Variants in NUBPL observed in about 807,000 individuals in gnomAD.
The protein encoded by NUBPL is NUBP iron-sulfur cluster assembly factor, mitochondrial, also known as iron-sulfur cluster transfer protein NUBPL.
In NUBPL, 31 loss-of-function variants were observed where a neutral mutation model predicts 45.7. That is an observed-to-expected ratio of 0.68 (90% CI 0.51 to 0.92). NUBPL has a LOEUF of 0.92. Ranked by LOEUF, NUBPL falls within the 40% of genes least tolerant of loss-of-function variation. The pLI, the probability that NUBPL is intolerant of heterozygous loss-of-function variation, is 0.00. For missense variants in NUBPL, 401 were observed against 398.7 expected, an observed-to-expected ratio of 1.01 and a Z score of -0.05; for synonymous variants, 144 against 140.9, an observed-to-expected ratio of 1.02 and a Z score of -0.15.
intron 6 of NUBPL, among the ~76,000 whole-genome samples, chr14:31,760,328 A>T (rs572220985): frequency 6.6e-6 from 1 of 151,346 alleles, no homozygotes; most frequent in East Asian, 2.0e-4. Flanking sequence ...TAATTTTTGT[A>T]TTTTTTATAG....
At chr14:31,787,096 C>T (rs911170835) in intron 6 of NUBPL, among the ~76,000 whole-genome samples, 12 of 152,188 alleles carry the variant, frequency 7.9e-5, no homozygotes, top group Admixed American at 2.6e-4. Flanking sequence ...TGTCATTCCA[C>T]GTTTCTGCTT....
At chr14:31,713,229 G>A (rs1391697930) in intron 6 of NUBPL, among the ~76,000 whole-genome samples, 2 of 152,144 alleles carry the variant, frequency 1.3e-5, no homozygotes, top group South Asian at 4.1e-4. Flanking sequence ...CTCAACTTGA[G>A]TGCCCTTGAA....
At chr14:31,787,924 T>C (rs980215798) in intron 7 of NUBPL, 51 bp downstream of exon 7, 23 of 1,259,218 alleles carry the variant, frequency 1.8e-5, no homozygotes, top group Non-Finnish European at 4.6e-6. Context: ...TGTGTTGTTA[T>C]TGCTATACCA....
In NUBPL at chr14:31,825,184, T is replaced by G. The variant is rs187222819; in HGVS notation, c.608-1445T>G. 3.5e-5 allele frequency among the ~76,000 whole-genome samples: 5 copies of G among 144,030 alleles called. No homozygotes were observed. The East Asian group carries it at 1.0e-3, about 30-fold the overall frequency. 94.5% of individuals were successfully genotyped at this position (144,030 alleles called of 152,430 possible). On this transcript the variant is annotated intron_variant, in intron 7 of 10. Coordinates refer to ENST00000281081, the MANE Select transcript of NUBPL (RefSeq NM_025152.3). ...ATTCCCACCAAACTGCTTTCCACAG[T>G]GTGAGTTTTTAAGAATATAAACTTC...
At chr14:31,824,822 TG>T (rs1213456367) in intron 7 of NUBPL, among the ~76,000 whole-genome samples, 1 of 152,174 alleles carries the variant, frequency 6.6e-6, no homozygotes, top group Non-Finnish European at 1.5e-5. Flanking sequence ...TTTAACAGTT[TG>T]GGGCTCTGAA....
rs558073102 is a variant in NUBPL at position 31,799,611 on chromosome 14, A to G, written c.607+11738A>G. Among the ~76,000 whole-genome samples, 69 of 152,350 alleles carry G rather than the reference A, an allele frequency of 4.5e-4. 1 individual carries two copies. The highest frequency in any genetic ancestry group is 7.8e-4 in the Non-Finnish European group (53 of 68,032). On this transcript the variant is annotated intron_variant, in intron 7 of 10. Transcript: ENST00000281081. ...CAGTACATACAAAACTTACATTTAC[A>G]CTATACAGTAGTCTGTGAAGTGTAT...
intron 7 of NUBPL, among the ~76,000 whole-genome samples, chr14:31,801,496 T>G (rs182658455): frequency 6.6e-6 from 1 of 152,260 alleles, no homozygotes; most frequent in African/African-American, 2.4e-5. Context: ...GTAAGCTAAT[T>G]TAGACACCAG....
intron 10 of NUBPL, among the ~76,000 whole-genome samples, chr14:31,855,110 A>G (rs2040596270): frequency 6.6e-6 from 1 of 152,120 alleles, no homozygotes; most frequent in African/African-American, 2.4e-5. Flanking sequence ...ATAAATACTA[A>G]AAGATTACAG....
intron 4 of NUBPL, among the ~76,000 whole-genome samples, chr14:31,617,967 C>G (rs1449682207): frequency 2.0e-5 from 3 of 152,082 alleles, no homozygotes; most frequent in African/African-American, 4.8e-5. Context: ...TGTTTTTGGT[C>G]TATTCAGGGA....
chr14:31,829,768 A>C (rs35875023), intron 8 of NUBPL, among the ~76,000 whole-genome samples: 54,781 of 151,990 alleles, frequency 0.36, 12,040 homozygotes, highest in East Asian at 0.61. Flanking sequence ...TATTGAAGTT[A>C]ATTTAAATGA....
At chr14:31,563,367 A>G (rs2033350812) in intron 2 of NUBPL, among the ~76,000 whole-genome samples, 1 of 152,188 alleles carries the variant, frequency 6.6e-6, no homozygotes, top group South Asian at 2.1e-4. Context: ...TAGTTGGAAG[A>G]TGATTGTTGC....
intron 7 of NUBPL, among the ~76,000 whole-genome samples, chr14:31,812,278 T>G (rs1207219554): frequency 6.6e-6 from 1 of 152,210 alleles, no homozygotes; most frequent in African/African-American, 2.4e-5. Flanking sequence ...TGGGCCTCGT[T>G]GAGCTGTGGT....
At chr14:31,835,651 C>A (rs1435346889) in intron 8 of NUBPL, among the ~76,000 whole-genome samples, 1 of 152,042 alleles carries the variant, frequency 6.6e-6, no homozygotes, top group African/African-American at 2.4e-5. Context: ...CCTCATGGAC[C>A]CACAACTATT....
At chr14:31,675,666 G>T (rs2036676928) in intron 6 of NUBPL, among the ~76,000 whole-genome samples, 1 of 152,148 alleles carries the variant, frequency 6.6e-6, no homozygotes, top group African/African-American at 2.4e-5. Context: ...TTCCCTCCTA[G>T]TACCCATTTA....
chr14:31,608,612 C>CACTCGTAATAGT, intron 4 of NUBPL, among the ~76,000 whole-genome samples: 1 of 152,088 alleles, frequency 6.6e-6, no homozygotes, highest in South Asian at 2.1e-4. Flanking sequence ...AGTAGGTAAT[C>CACTCGTAATAGT]ACCTGAAGGT....
At chr14:31,811,313 G>A (rs996511857) in intron 7 of NUBPL, among the ~76,000 whole-genome samples, 1 of 151,934 alleles carries the variant, frequency 6.6e-6, no homozygotes, top group Admixed American at 6.6e-5. Flanking sequence ...AGATTTGTTT[G>A]TTTCTTTTTA....
chr14:31,693,927 C>T (rs1428543258), intron 6 of NUBPL, among the ~76,000 whole-genome samples: 3 of 137,000 alleles, frequency 2.2e-5, no homozygotes, highest in African/African-American at 3.0e-5. Flanking sequence ...GTGATCTGGG[C>T]TCACTGTAAG....
intron 8 of NUBPL, among the ~76,000 whole-genome samples, chr14:31,837,375 AT>A (rs887739929): frequency 2.0e-5 from 3 of 152,210 alleles, no homozygotes; most frequent in African/African-American, 4.8e-5. Flanking sequence ...CTGACAAAAT[AT>A]TTTTGTGCAT....
At chr14:31,759,624 G>A (rs2038753500) in intron 6 of NUBPL, among the ~76,000 whole-genome samples, 1 of 151,530 alleles carries the variant, frequency 6.6e-6, no homozygotes, top group South Asian at 2.1e-4. Flanking sequence ...ACAATGATTT[G>A]ACTTATGATT....
Sources: allele counts gnomAD v4.1 joint callset (sites outside exome capture counted in the v4.1 genomes callset), GRCh38; gene constraint gnomAD v4.1.1; transcripts MANE v1.5; gene names NCBI Gene and HGNC (gene_info 2026-07-23, HGNC 2026-07-21).